Variants in PIGF observed in about 807,000 individuals in gnomAD.
PIGF encodes GPI ethanolamine phosphate transferase, stabilizing subunit.
In PIGF, 23 loss-of-function variants were observed where a neutral mutation model predicts 26.0. The observed-to-expected ratio is 0.88, with a 90% CI of 0.64 to 1.25. PIGF has a LOEUF of 1.25. Ranked by LOEUF, PIGF falls within the 50% of genes most tolerant of loss-of-function variation. PIGF has a pLI of 0.00. For synonymous variants in PIGF, 93 were observed against 92.6 expected, an observed-to-expected ratio of 1.00 and a Z score of -0.03; for missense variants, 278 against 249.9, an observed-to-expected ratio of 1.11 and a Z score of -0.76.
chr2:46,581,241 T>C lies in PIGF; in HGVS notation c.*237A>G, dbSNP rs1319666609. ...ATTCTATAAAGTGTATTAAGAATGT[T>C]CCTTAAAGGTTTAAGAAGCAGTAAG... On this transcript the variant is annotated 3_prime_UTR_variant, in exon 6 of 6. Coordinates refer to ENST00000281382, the MANE Select transcript of PIGF (RefSeq NM_002643.4). 1 of 995,234 alleles carries C rather than the reference T, an allele frequency of 1.0e-6. No individual in the cohort carries two copies. Among genetic ancestry groups the C allele is most frequent in the Non-Finnish European group, 1.4e-6 (1 of 691,336 alleles). 61.7% of individuals were successfully genotyped at this position (995,234 alleles called of 1,614,324 possible).
At chr2:46,587,102 C>G (rs1220627934) in intron 5 of PIGF, among the ~76,000 whole-genome samples, 1 of 152,218 alleles carries the variant, frequency 6.6e-6, no homozygotes, top group Non-Finnish European at 1.5e-5. Flanking sequence ...CCTTTTCAAT[C>G]CAAAACCATT....
At chr2:46,604,726 G>A (rs1670164602) in intron 4 of PIGF, among the ~76,000 whole-genome samples, 2 of 151,930 alleles carry the variant, frequency 1.3e-5, no homozygotes, top group South Asian at 4.2e-4. Flanking sequence ...TAGTAGTGGG[G>A]GTGGGGGGTG....
chr2:46,612,874 T>C lies in PIGF; in HGVS notation c.321-530A>G, dbSNP rs189123188. Among the ~76,000 whole-genome samples the C allele has an allele frequency of 1.1e-3, 169 of 152,290 alleles. 2 individuals carry two copies. Among genetic ancestry groups the C allele is most frequent in the African/African-American group, 3.9e-3 (162 of 41,558 alleles). On this transcript the variant is annotated intron_variant, in intron 3 of 5. Coordinates refer to ENST00000281382, the MANE Select transcript of PIGF (RefSeq NM_002643.4). ...TATTTGCATTTTGATAAAATGCTGA[T>C]GCTGCTGGTTTGAAAACCACATTTT...
intron 4 of PIGF, among the ~76,000 whole-genome samples, chr2:46,607,021 C>T (rs1325490424): frequency 2.0e-5 from 3 of 152,038 alleles, no homozygotes; most frequent in Non-Finnish European, 4.4e-5. Context: ...CACATAAGAC[C>T]CAATTTATAA....
intron 4 of PIGF, among the ~76,000 whole-genome samples, chr2:46,605,822 A>G (rs1670203839): frequency 6.6e-6 from 1 of 152,188 alleles, no homozygotes; most frequent in Non-Finnish European, 1.5e-5. Flanking sequence ...TTCATCTAGA[A>G]AATGGTGAAA....
At chr2:46,612,046 G>A (rs950434160) in intron 4 of PIGF, among the ~76,000 whole-genome samples, 182 bp downstream of exon 4, 1 of 151,744 alleles carries the variant, frequency 6.6e-6, no homozygotes, top group African/African-American at 2.4e-5. Flanking sequence ...CGTGGAGGGA[G>A]GGGCTTGTAG....
At chr2:46,612,821 C>T (rs747734025) in intron 3 of PIGF, among the ~76,000 whole-genome samples, 3 of 152,104 alleles carry the variant, frequency 2.0e-5, no homozygotes, top group Non-Finnish European at 2.9e-5. Context: ...GGGGGCTCTA[C>T]CCCTAGAGTT....
intron 4 of PIGF, among the ~76,000 whole-genome samples, chr2:46,605,331 C>T (rs549254584): frequency 3.8e-4 from 58 of 152,182 alleles, no homozygotes; most frequent in East Asian, 1.5e-3. Context: ...TCTTCTCTTA[C>T]GTCAAAGTTC....
chr2:46,581,701 A>G, intron 5 of PIGF, 110 bp from the exon 6 acceptor site: 2 of 1,441,284 alleles, frequency 1.4e-6, no homozygotes, highest in Non-Finnish European at 1.9e-6. Flanking sequence ...TTCTTAAAGA[A>G]TGCCAAAAGT....
In PIGF at chr2:46,610,947, C is replaced by T. The variant is rs1231063002; in HGVS notation, c.437+1281G>A. 2.6e-5 allele frequency among the ~76,000 whole-genome samples: 4 copies of T among 152,178 alleles called. No homozygotes were observed. The South Asian group carries it at 6.2e-4, about 24-fold the overall frequency. On this transcript the variant is annotated intron_variant, in intron 4 of 5. Transcript: ENST00000281382. ...TCAAATCACACAAAAATACCCTGTTCATTTCAGTTTCAATGCTTTTATCCA... is the reference window on the plus strand; with the variant it reads ...TCAAATCACACAAAAATACCCTGTTTATTTCAGTTTCAATGCTTTTATCCA...
intron 5 of PIGF, among the ~76,000 whole-genome samples, chr2:46,584,586 A>C (rs928565661): frequency 1.3e-5 from 2 of 152,180 alleles, no homozygotes; most frequent in African/African-American, 4.8e-5. Context: ...ATTTTGTCTA[A>C]TGAAGGGTTA....
chr2:46,586,667 T>C (rs1462122680), intron 5 of PIGF, among the ~76,000 whole-genome samples: 1 of 152,238 alleles, frequency 6.6e-6, no homozygotes, highest in Non-Finnish European at 1.5e-5. Flanking sequence ...ATCACAAATT[T>C]GCATTTGCAT....
At chr2:46,591,751 C>T (rs1260209370) in intron 5 of PIGF, 3 of 1,183,800 alleles carry the variant, frequency 2.5e-6, no homozygotes, top group Admixed American at 6.3e-5. Context: ...GTTACATACC[C>T]TCTAGGTGTC....
intron 4 of PIGF, among the ~76,000 whole-genome samples, chr2:46,595,188 C>T (rs114949392): frequency 0.012 from 1,862 of 152,234 alleles, 17 homozygotes; most frequent in Non-Finnish European, 0.019. Flanking sequence ...TTCACAGAGT[C>T]GTGCAGCCAT....
chr2:46,601,022 G>T (rs1182459977), intron 4 of PIGF, among the ~76,000 whole-genome samples: 1 of 151,570 alleles, frequency 6.6e-6, no homozygotes, highest in Non-Finnish European at 1.5e-5. Flanking sequence ...TTTTCTGTTT[G>T]AATTTTTACT....
At chr2:46,591,699 T>A (rs1669726402) in intron 5 of PIGF, 2 of 1,084,536 alleles carry the variant, frequency 1.8e-6, no homozygotes, top group South Asian at 2.1e-5. Flanking sequence ...AATATTAAGA[T>A]AAAGATACAG....
chr2:46,609,986 T>TA (rs1173846962), intron 4 of PIGF, among the ~76,000 whole-genome samples: 1 of 152,170 alleles, frequency 6.6e-6, no homozygotes, highest in Non-Finnish European at 1.5e-5. Flanking sequence ...CTTCAATTTA[T>TA]AAAAAACAGT....
At chr2:46,611,763 T>C (rs1670427062) in intron 4 of PIGF, among the ~76,000 whole-genome samples, 2 of 152,140 alleles carry the variant, frequency 1.3e-5, no homozygotes, top group Admixed American at 1.3e-4. Flanking sequence ...AGCTCTGGTA[T>C]CTTATCACAA....
intron 4 of PIGF, among the ~76,000 whole-genome samples, chr2:46,595,651 A>C (rs542621886): frequency 3.9e-5 from 6 of 152,320 alleles, no homozygotes; most frequent in African/African-American, 1.4e-4. Flanking sequence ...GGAAACTCTT[A>C]TATTTAATCA....
Sources: allele counts gnomAD v4.1 joint callset (sites outside exome capture counted in the v4.1 genomes callset), GRCh38; gene constraint gnomAD v4.1.1; transcripts MANE v1.5; gene names NCBI Gene and HGNC (gene_info 2026-07-23, HGNC 2026-07-21).